KCNIP4: variants seen among roughly 807,000 people sequenced by gnomAD.
KCNIP4 encodes the protein potassium voltage-gated channel interacting protein 4, also known as Kv channel-interacting protein 4.
KCNIP4 carries 12 observed loss-of-function variants against 34.0 expected under a neutral mutation model. The observed-to-expected ratio is 0.35, with a 90% confidence interval of 0.23 to 0.57. The LOEUF is 0.57. Among genes scored for constraint, KCNIP4 ranks in the 20% least tolerant of loss-of-function variants. The pLI is 0.83. For synonymous variants in KCNIP4, 124 were observed against 102.2 expected, an observed-to-expected ratio of 1.21 and a Z score of -1.29; for missense variants, 238 against 311.7, an observed-to-expected ratio of 0.76 and a Z score of 1.78.
At chr4:21,090,439 C>G (rs1746895981) in intron 1 of KCNIP4, among the ~76,000 whole-genome samples, 1 of 152,076 alleles carries the variant, frequency 6.6e-6, no homozygotes, top group South Asian at 2.1e-4. Context: ...CAGCATATAC[C>G]CCCAAAACTT....
At chr4:21,174,433 T>C (rs570571620) in intron 1 of KCNIP4, among the ~76,000 whole-genome samples, 1 of 152,274 alleles carries the variant, frequency 6.6e-6, no homozygotes, top group Admixed American at 6.5e-5. Flanking sequence ...AATTATAAAT[T>C]TGTAGGGGAT....
At chr4:20,890,619 G>T (rs1397726897) in intron 1 of KCNIP4, among the ~76,000 whole-genome samples, 1 of 152,034 alleles carries the variant, frequency 6.6e-6, no homozygotes, top group Non-Finnish European at 1.5e-5. Flanking sequence ...TGAGCTCAAT[G>T]AGATCATTCA....
At chr4:20,979,260 G>A (rs1244917299) in intron 1 of KCNIP4, among the ~76,000 whole-genome samples, 1 of 152,066 alleles carries the variant, frequency 6.6e-6, no homozygotes, top group Non-Finnish European at 1.5e-5. Flanking sequence ...CATTAAATAA[G>A]AACTTCTGGA....
rs200341390 is a variant in KCNIP4 at position 21,217,994 on chromosome 4, T to TTTTG, written c.62-335286_62-335285insCAAA. On this transcript the variant is annotated intron_variant, in intron 1 of 8. Coordinates refer to ENST00000382152, the MANE Select transcript of KCNIP4 (RefSeq NM_025221.6). Reference sequence around the variant, plus strand: ...TCACCATCCCCCTGTATAGTTTTTTTTTTTAAATTTATTTATTTATTTATT... The same window carrying TTTTG: ...TCACCATCCCCCTGTATAGTTTTTTTTTTGTTTTAAATTTATTTATTTATTTATT... Among the ~76,000 whole-genome samples the TTTTG allele has an allele frequency of 6.1e-3, 913 of 150,318 alleles. 10 individuals carry two copies. Among genetic ancestry groups the TTTTG allele is most frequent in the African/African-American group, 0.021 (852 of 41,100 alleles).
In KCNIP4 at chr4:21,030,551, T is replaced by C. The variant is rs186037467; in HGVS notation, c.62-147842A>G. Among the ~76,000 whole-genome samples the C allele has an allele frequency of 2.1e-3, 325 of 152,264 alleles. 2 individuals are homozygous for C. Among genetic ancestry groups the C allele is most frequent in the African/African-American group, 7.3e-3 (303 of 41,552 alleles). ...AATTGGTCTCTGGTGCCAAAAAATG[T>C]TGGGGACCACTGATCTAAGGTGTTT... On this transcript the variant is annotated intron_variant, in intron 1 of 8. Coordinates refer to ENST00000382152, the MANE Select transcript of KCNIP4 (RefSeq NM_025221.6).
At chr4:21,588,545 A>G (rs900166094) in intron 1 of KCNIP4, among the ~76,000 whole-genome samples, 2 of 151,976 alleles carry the variant, frequency 1.3e-5, no homozygotes, top group Admixed American at 6.6e-5. Context: ...TACATCAGGA[A>G]ATGAATTACC....
chr4:21,257,725 G>A (rs1323705509), intron 1 of KCNIP4, among the ~76,000 whole-genome samples: 2 of 151,156 alleles, frequency 1.3e-5, no homozygotes, highest in African/African-American at 2.4e-5. Flanking sequence ...ACTCTAGCCT[G>A]GGTGACACAG....
intron 1 of KCNIP4, among the ~76,000 whole-genome samples, chr4:21,630,912 C>T (rs1480537107): frequency 6.6e-6 from 1 of 152,146 alleles, no homozygotes; most frequent in African/African-American, 2.4e-5. Flanking sequence ...ATAACAAATC[C>T]CATGTTGTGT....
At chr4:21,080,000 T>C (rs543513344) in intron 1 of KCNIP4, among the ~76,000 whole-genome samples, 1 of 152,018 alleles carries the variant, frequency 6.6e-6, no homozygotes, top group Non-Finnish European at 1.5e-5. Context: ...ATTTCTGAAC[T>C]GCAAAACTGA....
At chr4:21,816,592 C>T (rs1722003040) in intron 1 of KCNIP4, among the ~76,000 whole-genome samples, 2 of 152,110 alleles carry the variant, frequency 1.3e-5, no homozygotes, top group South Asian at 4.1e-4. Flanking sequence ...CACAGCACCA[C>T]CTTTGTTCTC....
chr4:21,247,930 T>TACACACATATATATATAC (rs1412902432), intron 1 of KCNIP4, among the ~76,000 whole-genome samples: 26 of 120,274 alleles, frequency 2.2e-4, no homozygotes, highest in South Asian at 2.8e-4. Flanking sequence ...CATATATATA[T>TACACACATATATATATAC]ACACACATAT....
intron 1 of KCNIP4, among the ~76,000 whole-genome samples, chr4:21,041,459 G>T (rs1439312999): frequency 6.6e-6 from 1 of 152,104 alleles, no homozygotes; most frequent in Non-Finnish European, 1.5e-5. Context: ...CAAAAAAGTA[G>T]CCACGTAAAA....
chr4:21,845,487 C>A (rs1014644239), intron 1 of KCNIP4: 4 of 152,060 alleles, frequency 2.6e-5, no homozygotes, highest in Non-Finnish European at 4.4e-5. Flanking sequence ...CATTTGCTTA[C>A]CTCTGTCCTA....
chr4:21,282,893 C>T (rs1175832775), intron 1 of KCNIP4, among the ~76,000 whole-genome samples: 1 of 152,108 alleles, frequency 6.6e-6, no homozygotes, highest in Admixed American at 6.6e-5. Flanking sequence ...CTTTGCCACC[C>T]AAATACTTGC....
intron 1 of KCNIP4, among the ~76,000 whole-genome samples, chr4:21,785,687 T>A (rs916579788): frequency 6.6e-6 from 1 of 152,178 alleles, no homozygotes; most frequent in African/African-American, 2.4e-5. Context: ...CGCTAACCTA[T>A]TCAGTTTCTA....
At chr4:21,536,633 T>A (rs761955743) in intron 1 of KCNIP4, among the ~76,000 whole-genome samples, 2 of 151,908 alleles carry the variant, frequency 1.3e-5, no homozygotes, top group African/African-American at 4.8e-5. Flanking sequence ...ACAAAAAATA[T>A]AGCTGGGTGT....
At chr4:21,472,710 G>C (rs747789902) in intron 1 of KCNIP4, among the ~76,000 whole-genome samples, 19 of 151,992 alleles carry the variant, frequency 1.3e-4, no homozygotes, top group Non-Finnish European at 2.8e-4. Flanking sequence ...TCAGGTTATC[G>C]GTAAAATCTA....
intron 1 of KCNIP4, among the ~76,000 whole-genome samples, chr4:21,762,605 C>T (rs1393846182): frequency 6.6e-6 from 1 of 152,108 alleles, no homozygotes; most frequent in Non-Finnish European, 1.5e-5. Context: ...GCCAAGGGTA[C>T]TGTTCCTCAT....
chr4:21,169,939 G>A (rs1215627278), intron 1 of KCNIP4, among the ~76,000 whole-genome samples: 1 of 151,920 alleles, frequency 6.6e-6, no homozygotes, highest in Admixed American at 6.6e-5. Flanking sequence ...ATTCTATAAT[G>A]CCCACACATG....
Sources: allele counts gnomAD v4.1 joint callset (sites outside exome capture counted in the v4.1 genomes callset), GRCh38; gene constraint gnomAD v4.1.1; transcripts MANE v1.5; gene names NCBI Gene and HGNC (gene_info 2026-07-23, HGNC 2026-07-21).